MXRA5: variants seen among roughly 807,000 people sequenced by gnomAD.
MXRA5 encodes matrix remodeling associated 5.
In MXRA5, 41 loss-of-function variants were observed where a neutral mutation model predicts 112.5. The observed-to-expected ratio is 0.36, with a 90% CI of 0.28 to 0.47. MXRA5 has a LOEUF of 0.47. Among genes scored for constraint, MXRA5 ranks in the 20% least tolerant of loss-of-function variants. The pLI, the probability that MXRA5 is intolerant of heterozygous loss-of-function variation, is 0.99. For missense variants in MXRA5, 2,150 were observed against 2,251.0 expected (o/e 0.96, Z 0.91); for synonymous variants, 862 against 900.8 (o/e 0.96, Z 0.77).
At position 3,317,121 on chromosome X, in the gene MXRA5, A is replaced by C. The variant is rs1372953920; in HGVS notation, c.6560T>G (p.Met2187Arg). 8.5e-7 allele frequency: 1 copy of C among 1,175,646 alleles called. No homozygotes were observed. The highest frequency in any genetic ancestry group is 1.1e-6 in the Non-Finnish European group (1 of 876,154). ...RILWRLPSKR[M>R]IDALFSFDSR... is the part of the protein sequence containing the mutation. ...TGCCTACCTGAAGAGCGCGTCGATCATCCTCTTGGACGGCAGCCTCCAGAG... is the reference window on the plus strand; with the variant it reads ...TGCCTACCTGAAGAGCGCGTCGATCCTCCTCTTGGACGGCAGCCTCCAGAG... The change falls in exon 6 of 7, where the codon ATG (methionine) becomes AGG (arginine). Residue 2187 changes from methionine to arginine, a missense_variant. This residue lies in a region of MXRA5 where 1,485 missense variants were observed against 1,471.6 expected (regional missense o/e 1.01). Transcript: ENST00000217939.
At position 3,324,989 on chromosome X, in the gene MXRA5, G is replaced by T. The variant is rs763340750; in HGVS notation, c.710-14C>A. 1 of 1,155,356 alleles carries T rather than the reference G, an allele frequency of 8.7e-7. No homozygotes were observed. The highest frequency in any genetic ancestry group is 2.1e-5 in the South Asian group (1 of 48,059). On this transcript the variant is annotated splice_polypyrimidine_tract_variant and intron_variant, in intron 4 of 6. Coordinates refer to ENST00000217939, the MANE Select transcript of MXRA5 (RefSeq NM_015419.4). The stretch of plus-strand genomic sequence containing the variant: ...ACTTCAGAATTCCTAAAACAAATAA[G>T]CAAATAGACAATAGGGTAAGGAGCC...
chrX:3,317,587 C>A lies in MXRA5; in HGVS notation c.6094G>T (p.Gly2032Trp), dbSNP rs1363623006. The change falls in exon 6 of 7, where the codon GGG becomes TGG. Residue 2032 changes from glycine (G) to tryptophan (W), a missense_variant. Coordinates refer to ENST00000217939, the MANE Select transcript of MXRA5 (RefSeq NM_015419.4). ...VYKCVASNAA[G>W]ADSLAIRLHV... is the part of the protein sequence containing the mutation. The stretch of plus-strand genomic sequence containing the variant: ...AGGCGGATGGCCAGGCTGTCCGCCC[C>A]GGCTGCATTGCTGGCCACGCACTTA... 7 of 1,209,358 alleles carry A rather than the reference C, an allele frequency of 5.8e-6. No individual in the cohort carries two copies. The African/African-American group carries it at 1.2e-4, about 21-fold the overall frequency.
rs762691003 is a variant in MXRA5 at position 3,320,758 on chromosome X, T to C, written c.4927A>G (p.Thr1643Ala). Residue 1643 changes from threonine to alanine, a missense_variant, in exon 5 of 7, where the codon ACC becomes GCC. Physicochemically the swap from Thr to Ala is moderately conservative, Grantham distance 58. This residue lies in a region of MXRA5 where 1,485 missense variants were observed against 1,471.6 expected (regional missense o/e 1.01). Transcript: ENST00000217939. ...TATGTAGTTATTTCCGGTTTGTTGG[T>C]CCAGTGACGAGGTGACTGGGAAGTT... Reference protein sequence around the residue: ...FVTSQSPRHWTNKPEITTYPS... With the variant: ...FVTSQSPRHWANKPEITTYPS... 2.9e-5 allele frequency: 35 copies of C among 1,210,476 alleles called. No homozygotes were observed. Among genetic ancestry groups the C allele is most frequent in the Non-Finnish European group, 1.0e-5 (9 of 895,300 alleles).
intron 2 of MXRA5, among the ~76,000 whole-genome samples, chrX:3,335,266 G>T (rs1227850974): frequency 9.0e-6 from 1 of 111,086 alleles, no homozygotes; most frequent in Non-Finnish European, 1.9e-5. Flanking sequence ...GCGCCATCTC[G>T]GCTCACTGCA....
intron 2 of MXRA5, among the ~76,000 whole-genome samples, chrX:3,333,448 G>T (rs1327334215): frequency 9.1e-6 from 1 of 109,838 alleles, no homozygotes; most frequent in African/African-American, 3.3e-5. Flanking sequence ...GTGGTACTTT[G>T]GTCTTATTAA....
chrX:3,339,965 C>T (rs1337273166), intron 2 of MXRA5, among the ~76,000 whole-genome samples: 1 of 111,757 alleles, frequency 8.9e-6, no homozygotes, highest in Non-Finnish European at 1.9e-5. Flanking sequence ...CGGTTAATAT[C>T]ACAAGGCAGA....
At chrX:3,337,369 C>T (rs1466712753) in intron 2 of MXRA5, among the ~76,000 whole-genome samples, 2 of 111,965 alleles carry the variant, frequency 1.8e-5, no homozygotes, top group South Asian at 3.7e-4. Flanking sequence ...GTAATGCACA[C>T]GATGGCCCCT....
At chrX:3,327,617 C>T (rs1166119345) in intron 4 of MXRA5, among the ~76,000 whole-genome samples, 1 of 112,381 alleles carries the variant, frequency 8.9e-6, no homozygotes, top group East Asian at 2.8e-4. Flanking sequence ...ACCAGATGTC[C>T]CCTGGCACCC....
At position 3,322,112 on chromosome X, in the gene MXRA5, C is replaced by A; in HGVS notation, c.3573G>T (p.Lys1191Asn). Reference protein sequence around the residue: ...STQPTQAPDIKISSQVESSLV... With the variant: ...STQPTQAPDINISSQVESSLV... ...GAGAACTCTCCACTTGACTTGAAATCTTAATGTCAGGTGCTTGAGTTGGTT... is the reference window on the plus strand; with the variant it reads ...GAGAACTCTCCACTTGACTTGAAATATTAATGTCAGGTGCTTGAGTTGGTT... Residue 1191 changes from lysine to asparagine, a missense_variant, in exon 5 of 7, where the codon AAG becomes AAT. By Grantham distance (94) the Lys-to-Asn change is moderately conservative. Coordinates refer to ENST00000217939, the MANE Select transcript of MXRA5 (RefSeq NM_015419.4). 1.7e-6 allele frequency: 2 copies of A among 1,208,428 alleles called. No homozygotes were observed. Among genetic ancestry groups the A allele is most frequent in the East Asian group, 5.9e-5 (2 of 33,770 alleles).
intron 2 of MXRA5, among the ~76,000 whole-genome samples, chrX:3,339,947 T>A (rs1603468260): frequency 8.9e-6 from 1 of 112,038 alleles, no homozygotes; most frequent in Non-Finnish European, 1.9e-5. Context: ...AAATTATGTC[T>A]TCGGTTCCGG....
At chrX:3,346,100 G>A (rs745740679) in intron 1 of MXRA5, among the ~76,000 whole-genome samples, 91 of 111,841 alleles carry the variant, frequency 8.1e-4, no homozygotes, top group African/African-American at 2.8e-3. Context: ...CTCCTCAAGC[G>A]TCCTTTCCCC....
chrX:3,323,951 C>G lies in MXRA5; in HGVS notation c.1734G>C (p.Gln578His). The G allele has an allele frequency of 8.3e-7, 1 of 1,206,057 alleles. No individual in the cohort carries two copies. The highest frequency in any genetic ancestry group is 2.3e-4 in the Middle Eastern group (1 of 4,326). Residue 578 changes from glutamine to histidine, a missense_variant, in exon 5 of 7, where the codon CAG becomes CAC. By Grantham distance (24) the Gln-to-His change is conservative (BLOSUM62 0). Around this residue, in one of 6 missense-constraint regions of MXRA5, gnomAD observed 1,485 missense variants for 1,471.6 expected, o/e 1.01. Transcript: ENST00000217939. ...YRVLVQSPST[Q>H]PAEKDTVTIG... is the part of the protein sequence containing the mutation. ...TTGTCACTGTGTCTTTCTCGGCTGGCTGAGTGGAGGGAGACTGCACAAGTA... is the reference window on the plus strand; with the variant it reads ...TTGTCACTGTGTCTTTCTCGGCTGGGTGAGTGGAGGGAGACTGCACAAGTA...
chrX:3,333,396 A>T (rs1474356305), intron 2 of MXRA5, among the ~76,000 whole-genome samples: 1 of 109,434 alleles, frequency 9.1e-6, no homozygotes, highest in Non-Finnish European at 1.9e-5. Context: ...AAGAGGATAA[A>T]CCATGCAATG....
At chrX:3,343,185 T>G (rs1432709007) in intron 2 of MXRA5, among the ~76,000 whole-genome samples, 1 of 112,766 alleles carries the variant, frequency 8.9e-6, no homozygotes, top group Non-Finnish European at 1.9e-5. Context: ...CTGCAGGAAC[T>G]CTTTTATTGC....
chrX:3,340,951 G>C (rs764166603), intron 2 of MXRA5, among the ~76,000 whole-genome samples: 7 of 79,969 alleles, frequency 8.8e-5, no homozygotes, highest in African/African-American at 3.3e-4. Flanking sequence ...AAGAAGCACC[G>C]CAAATAGATA....
intron 6 of MXRA5, among the ~76,000 whole-genome samples, chrX:3,314,880 GCAGA>G (rs769835168): frequency 9.8e-5 from 9 of 92,255 alleles, no homozygotes; most frequent in Non-Finnish European, 1.3e-4. Context: ...AGGTAGGTAG[GCAGA>G]TAGATAGATA....
chrX:3,316,716 G>A (rs772415211), intron 6 of MXRA5, among the ~76,000 whole-genome samples: 89 of 108,928 alleles, frequency 8.2e-4, no homozygotes, highest in Non-Finnish European at 1.4e-3. Context: ...TCACTCTGTC[G>A]TCCAGGGTGG....
chrX:3,338,378 T>G (rs1262649715), intron 2 of MXRA5, among the ~76,000 whole-genome samples: 1 of 110,605 alleles, frequency 9.0e-6, no homozygotes, highest in African/African-American at 3.3e-5. Context: ...GATAAATAGA[T>G]AGATAGATAG....
chrX:3,316,885 A>G (rs1208312251), intron 6 of MXRA5, among the ~76,000 whole-genome samples: 1 of 110,664 alleles, frequency 9.0e-6, no homozygotes, highest in Non-Finnish European at 1.9e-5. Flanking sequence ...CATGTCGGCC[A>G]GGCTGGTCTC....
Sources: allele counts gnomAD v4.1 joint callset (sites outside exome capture counted in the v4.1 genomes callset), GRCh38; gene constraint gnomAD v4.1.1; regional missense constraint gnomAD v4.1.1; transcripts MANE v1.5; gene names NCBI Gene and HGNC (gene_info 2026-07-23, HGNC 2026-07-21).